Variants in TDRD5 observed in about 807,000 individuals in gnomAD.
TDRD5 encodes the protein tudor domain containing 5.
In TDRD5, 41 loss-of-function variants were observed where a neutral mutation model predicts 120.6. The ratio of observed to expected loss-of-function variants is 0.34; its 90% CI spans 0.26 to 0.44. The LOEUF (loss-of-function observed/expected upper bound fraction) is 0.44, where lower values mean the gene tolerates loss of function less well. Among genes scored for constraint, TDRD5 ranks in the 20% least tolerant of loss-of-function variants. The probability of loss-of-function intolerance (pLI) is 1.00; values close to 1 mark genes in which losing one functional copy is unlikely to be tolerated. For missense variants in TDRD5, 1,006 were observed against 1,221.2 expected (o/e 0.82, Z 2.63); for synonymous variants, 430 against 433.7 (o/e 0.99, Z 0.11).
In TDRD5 at chr1:179,635,785, T is replaced by C. The variant is rs568369422; in HGVS notation, c.1418T>C (p.Ile473Thr). The C allele has an allele frequency of 2.7e-5, 43 of 1,614,034 alleles. No individual in the cohort carries two copies. The East Asian group carries it at 2.7e-4, about 10-fold the overall frequency. ...RLPPLDTSSLIGVFVEYIISP... is the reference protein window; with the variant it reads ...RLPPLDTSSLTGVFVEYIISP... ...CCACCATTAGACACCAGTTCCCTCA[T>C]AGGGGTCTTTGTGGAGTATATCATC... Residue 473 changes from isoleucine to threonine, a missense_variant, in exon 9 of 18, where the codon ATA (isoleucine) becomes ACA (threonine). Transcript: ENST00000444136.
chr1:179,622,349 C>G (rs943975050), intron 6 of TDRD5, among the ~76,000 whole-genome samples: 1 of 152,134 alleles, frequency 6.6e-6, no homozygotes, highest in Non-Finnish European at 1.5e-5. Context: ...ATTCCAGATT[C>G]TCTACAATAC....
At chr1:179,651,291 A>G (rs1678699091) in intron 12 of TDRD5, among the ~76,000 whole-genome samples, 1 of 152,154 alleles carries the variant, frequency 6.6e-6, no homozygotes, top group Admixed American at 6.5e-5. Flanking sequence ...TCTATTTTAA[A>G]TAATTAATTT....
At chr1:179,677,047 A>T (rs527710618) in intron 17 of TDRD5, among the ~76,000 whole-genome samples, 50 of 151,948 alleles carry the variant, frequency 3.3e-4, no homozygotes, top group Non-Finnish European at 6.0e-4. Flanking sequence ...TCATTTTTTT[A>T]AATTATTTTT....
chr1:179,632,532 C>T (rs1475093135), intron 7 of TDRD5, among the ~76,000 whole-genome samples: 1 of 151,944 alleles, frequency 6.6e-6, no homozygotes, highest in East Asian at 1.9e-4. Flanking sequence ...ATCCACCCCC[C>T]CAAAATAATA....
intron 4 of TDRD5, among the ~76,000 whole-genome samples, chr1:179,609,352 T>C (rs1676161949): frequency 6.6e-6 from 1 of 152,212 alleles, no homozygotes; most frequent in South Asian, 2.1e-4. Context: ...TTTTATACAA[T>C]ATTTTAGATA....
At chr1:179,631,016 A>T (rs1677412704) in intron 7 of TDRD5, 96 bp downstream of exon 7, 1 of 1,195,398 alleles carries the variant, frequency 8.4e-7, no homozygotes, top group Non-Finnish European at 1.2e-6. Flanking sequence ...GAAATGTTTT[A>T]TAAAATGACC....
Position 179,614,527 on chromosome 1 carries a change from G to A in TDRD5, c.832-4072G>A, listed in dbSNP as rs142255053. 4.0e-3 allele frequency among the ~76,000 whole-genome samples: 607 copies of A among 152,200 alleles called. 8 individuals are homozygous for A. The highest frequency in any genetic ancestry group is 7.2e-3 in the Non-Finnish European group (491 of 68,010). ...CTAGAAGAGCCATCATTGATTGAAA[G>A]GAATGTTTACTTTTATGGCTTATCT... On this transcript the variant is annotated intron_variant, in intron 4 of 17. Coordinates refer to ENST00000444136, the MANE Select transcript of TDRD5 (RefSeq NM_001199085.3).
At chr1:179,684,896 A>AT (rs986861721) in intron 17 of TDRD5, among the ~76,000 whole-genome samples, 2 of 150,764 alleles carry the variant, frequency 1.3e-5, no homozygotes, top group Admixed American at 6.6e-5. Flanking sequence ...GATGGGGTTG[A>AT]TTTTTTCTTG....
intron 9 of TDRD5, among the ~76,000 whole-genome samples, chr1:179,639,441 A>G (rs1019688101): frequency 5.3e-5 from 8 of 152,230 alleles, no homozygotes; most frequent in African/African-American, 1.7e-4. Flanking sequence ...AAACTAGGAA[A>G]GGGTTTGAAA....
chr1:179,640,379 G>A lies in TDRD5; in HGVS notation c.1734G>A (p.Lys578=), dbSNP rs781235530. The change falls in exon 11 of 18, where the codon AAG becomes AAA. Residue 578 remains lysine (K), a splice_region_variant and synonymous_variant. Transcript: ENST00000444136. The part of the protein sequence containing the change: ...IVQKSSLRFL[K]CCYTKLPAQA... Reference sequence around the variant, plus strand: ...TTACATATTTGATTATCTATTGCAGGTGCTGCTACACAAAGCTTCCAGCTC... The same window carrying A: ...TTACATATTTGATTATCTATTGCAGATGCTGCTACACAAAGCTTCCAGCTC... The A allele has an allele frequency of 1.2e-6, 2 of 1,614,078 alleles. No homozygotes were observed. The highest frequency in any genetic ancestry group is 1.7e-5 in the Admixed American group (1 of 60,022).
Position 179,595,955 on chromosome 1 carries a change from T to C in TDRD5, c.831+137T>C, listed in dbSNP as rs1675369628. Reference sequence around the variant, plus strand: ...ATTTCAAATTTGACTAAGCATTTCCTATGGTTCTGTAGATTAGTAAGAAGT... The same window carrying C: ...ATTTCAAATTTGACTAAGCATTTCCCATGGTTCTGTAGATTAGTAAGAAGT... On this transcript the variant is annotated intron_variant, in intron 4 of 17. Coordinates refer to ENST00000444136, the MANE Select transcript of TDRD5 (RefSeq NM_001199085.3). 3.6e-6 allele frequency: 3 copies of C among 834,394 alleles called. No homozygotes were observed. The South Asian group carries it at 7.0e-5, about 19-fold the overall frequency. 51.7% of individuals were successfully genotyped at this position (834,394 alleles called of 1,614,324 possible).
chr1:179,616,516 GTTCTGATAA>G (rs1676571339), intron 4 of TDRD5, among the ~76,000 whole-genome samples: 1 of 152,102 alleles, frequency 6.6e-6, no homozygotes, highest in Admixed American at 6.6e-5. Flanking sequence ...CCAGATTACA[GTTCTGATAA>G]TCTGTCTCCC....
At chr1:179,654,559 G>A (rs1162819084) in intron 14 of TDRD5, among the ~76,000 whole-genome samples, 197 bp downstream of exon 14, 1 of 152,086 alleles carries the variant, frequency 6.6e-6, no homozygotes, top group Non-Finnish European at 1.5e-5. Context: ...GAGGTCAGGA[G>A]TTCAAGACCA....
chr1:179,624,546 G>T (rs1677015940), intron 6 of TDRD5, among the ~76,000 whole-genome samples: 2 of 152,126 alleles, frequency 1.3e-5, no homozygotes, highest in Admixed American at 1.3e-4. Flanking sequence ...AAAGCTACTA[G>T]AACTAACTTA....
chr1:179,629,877 C>T (rs185287129), intron 6 of TDRD5, among the ~76,000 whole-genome samples: 1 of 151,908 alleles, frequency 6.6e-6, no homozygotes, highest in Non-Finnish European at 1.5e-5. Flanking sequence ...TATATATTGT[C>T]TTCTGTCTTC....
intron 3 of TDRD5, 37 bp downstream of exon 3, chr1:179,593,904 CAT>C: frequency 6.3e-7 from 1 of 1,587,892 alleles, no homozygotes; most frequent in Non-Finnish European, 8.6e-7. Flanking sequence ...AGTCATGGCA[CAT>C]AGAGGGGTGT....
chr1:179,611,987 ATT>A (rs1419301026), intron 4 of TDRD5, among the ~76,000 whole-genome samples: 1 of 152,182 alleles, frequency 6.6e-6, no homozygotes, highest in East Asian at 1.9e-4. Flanking sequence ...ACATAATCCT[ATT>A]TACAAAAAGT....
intron 14 of TDRD5, among the ~76,000 whole-genome samples, chr1:179,658,819 C>G (rs1168324009): frequency 2.0e-5 from 3 of 151,874 alleles, no homozygotes; most frequent in African/African-American, 7.3e-5. Context: ...TTTATTTTTG[C>G]TTTCTTTTTC....
chr1:179,622,644 TAAC>T (rs1676900973), intron 6 of TDRD5, among the ~76,000 whole-genome samples: 1 of 152,088 alleles, frequency 6.6e-6, no homozygotes, highest in Non-Finnish European at 1.5e-5. Context: ...AAAAATTCAC[TAAC>T]AACAAATTGG....
Sources: gnomAD v4.1 joint callset for allele counts (sites outside exome capture counted in the v4.1 genomes callset) on GRCh38, gnomAD v4.1.1 for gene constraint, MANE v1.5 for transcripts, NCBI Gene and HGNC (gene_info 2026-07-23, HGNC 2026-07-21) for gene names.